The following FCGR3B variants were observed in gnomAD, a reference collection of about 807,000 sequenced individuals.
FCGR3B encodes the protein low affinity immunoglobulin gamma Fc region receptor III-B.
In FCGR3B, 20 loss-of-function variants were observed where a neutral mutation model predicts 26.7. That is an observed-to-expected ratio of 0.75 (90% CI 0.53 to 1.09). The LOEUF (loss-of-function observed/expected upper bound fraction) is 1.09, where lower values mean the gene tolerates loss of function less well. Ranked by LOEUF, FCGR3B falls within the 50% of genes least tolerant of loss-of-function variation. The pLI is 0.00. For synonymous variants in FCGR3B, 79 were observed against 107.0 expected (o/e 0.74, Z 1.62); for missense variants, 191 against 279.7 (o/e 0.68, Z 2.26).
chr1:161,628,148 C>T (rs982276962), intron 3 of FCGR3B, among the ~76,000 whole-genome samples: 4 of 149,938 alleles, frequency 2.7e-5, no homozygotes, highest in Non-Finnish European at 5.9e-5. Context: ...TGGCATGCAC[C>T]TGTAGTCCCA....
At chr1:161,625,312 C>T (rs1375611423) in intron 4 of FCGR3B, among the ~76,000 whole-genome samples, 1 of 137,544 alleles carries the variant, frequency 7.3e-6, no homozygotes, top group Non-Finnish European at 1.6e-5. Context: ...ACTGGAAAGT[C>T]CAGGCACACC....
chr1:161,631,351 G>T (rs1360797192), upstream of FCGR3B: 38 of 743,690 alleles, frequency 5.1e-5, 2 homozygotes, highest in South Asian at 2.5e-4. Flanking sequence ...TCTCCCAAAG[G>T]TCTGCGGCTG....
Position 161,631,138 on chromosome 1 carries a change from C to T in FCGR3B, c.-44G>A. The T allele has an allele frequency of 6.2e-7, 1 of 1,607,704 alleles. No individual in the cohort carries two copies. The highest frequency in any genetic ancestry group is 8.5e-7 in the Non-Finnish European group (1 of 1,177,388). ...ACAAGTCACCAAAGATATCCGGAGC[C>T]CTAAAGGGACCAAGCCGACTAGACA... On this transcript the variant is annotated 5_prime_UTR_variant, in exon 1 of 5. Transcript: ENST00000650385.
intron 3 of FCGR3B, among the ~76,000 whole-genome samples, chr1:161,626,682 G>A (rs554806985): frequency 2.7e-5 from 4 of 149,434 alleles, no homozygotes; most frequent in Non-Finnish European, 4.4e-5. Context: ...GAGAAGCAAC[G>A]ATGAGCATAT....
At chr1:161,627,261 AAGTATTAT>A in intron 3 of FCGR3B, among the ~76,000 whole-genome samples, 1 of 150,394 alleles carries the variant, frequency 6.6e-6, no homozygotes, top group Middle Eastern at 3.4e-3. Context: ...ATATTTTAAA[AAGTATTAT>A]GCACAGAAAA....
Sources: allele counts gnomAD v4.1 joint callset (sites outside exome capture counted in the v4.1 genomes callset), GRCh38; gene constraint gnomAD v4.1.1; transcripts MANE v1.5; gene names NCBI Gene and HGNC (gene_info 2026-07-23, HGNC 2026-07-21).